ATRNL1: variants seen among roughly 807,000 people sequenced by gnomAD.
The protein encoded by ATRNL1 is attractin like 1.
In ATRNL1, 95 loss-of-function variants were observed where a neutral mutation model predicts 182.7. The observed-to-expected ratio is 0.52, with a 90% CI of 0.44 to 0.62. The LOEUF (loss-of-function observed/expected upper bound fraction) is 0.62, where lower values mean the gene tolerates loss of function less well. Ranked by LOEUF, ATRNL1 falls within the 20% of genes least tolerant of loss-of-function variation. ATRNL1 has a pLI of 0.00. For missense variants in ATRNL1, 1,471 were observed against 1,679.5 expected (o/e 0.88, Z 2.17); for synonymous variants, 576 against 568.3 (o/e 1.01, Z -0.19).
At chr10:115,293,864 A>G (rs1300379297) in intron 15 of ATRNL1, among the ~76,000 whole-genome samples, 3 of 152,082 alleles carry the variant, frequency 2.0e-5, no homozygotes, top group African/African-American at 7.2e-5. Flanking sequence ...ATCTGACTTT[A>G]TGCTTTTCTG....
At chr10:115,494,426 A>T (rs955158885) in intron 24 of ATRNL1, among the ~76,000 whole-genome samples, 4 of 152,044 alleles carry the variant, frequency 2.6e-5, no homozygotes, top group Non-Finnish European at 5.9e-5. Flanking sequence ...TCTCCAGGGG[A>T]ATGCTGCTAT....
intron 28 of ATRNL1, among the ~76,000 whole-genome samples, chr10:115,897,424 G>C (rs1952235656): frequency 6.6e-6 from 1 of 152,050 alleles, no homozygotes; most frequent in Non-Finnish European, 1.5e-5. Context: ...AGTATTCAAG[G>C]GTATTGATTT....
At chr10:115,130,078 T>G (rs1309545615) in intron 5 of ATRNL1, among the ~76,000 whole-genome samples, 1 of 152,172 alleles carries the variant, frequency 6.6e-6, no homozygotes, top group Non-Finnish European at 1.5e-5. Flanking sequence ...TTTATAAATA[T>G]CTATCATCAA....
At chr10:115,667,837 A>AT (rs1593037893) in intron 26 of ATRNL1, among the ~76,000 whole-genome samples, 1 of 151,504 alleles carries the variant, frequency 6.6e-6, no homozygotes, top group Admixed American at 6.6e-5. Flanking sequence ...TTTAATTACT[A>AT]TTTTTTTAGT....
chr10:115,417,494 C>A (rs147077036), intron 20 of ATRNL1, among the ~76,000 whole-genome samples: 2 of 152,194 alleles, frequency 1.3e-5, no homozygotes, highest in African/African-American at 4.8e-5. Flanking sequence ...CCAGCTCCCC[C>A]CACTGTAGTC....
At chr10:115,768,761 C>T (rs553115227) in intron 27 of ATRNL1, among the ~76,000 whole-genome samples, 126 of 151,856 alleles carry the variant, frequency 8.3e-4, no homozygotes, top group African/African-American at 2.9e-3. Flanking sequence ...TATAACTATC[C>T]CATTTAATTT....
rs1953934647 is a variant in ATRNL1 at position 115,948,966 on chromosome 10, A to G, written c.*4187A>G. 2 of 152,228 alleles carry G rather than the reference A, an allele frequency of 1.3e-5. No homozygotes were observed. Among genetic ancestry groups the G allele is most frequent in the Non-Finnish European group, 2.9e-5 (2 of 68,048 alleles). The allele number at this position is 152,228 out of a possible 1,614,324, so 9.4% of individuals were successfully genotyped here. On this transcript the variant is annotated 3_prime_UTR_variant, in exon 29 of 29. Transcript: ENST00000355044. ...GCTGTTAATCAGGACTTTATTAAATAAAAACATTGGCTCTTCCAACCCCCA... is the reference window on the plus strand; with the variant it reads ...GCTGTTAATCAGGACTTTATTAAATGAAAACATTGGCTCTTCCAACCCCCA...
chr10:115,179,604 T>C (rs1184920419), intron 8 of ATRNL1, among the ~76,000 whole-genome samples: 3 of 152,142 alleles, frequency 2.0e-5, no homozygotes, highest in African/African-American at 7.2e-5. Flanking sequence ...CTGGCTGATA[T>C]AGTAGCTACT....
At chr10:115,258,962 G>A (rs1432993781) in intron 10 of ATRNL1, among the ~76,000 whole-genome samples, 1 of 151,952 alleles carries the variant, frequency 6.6e-6, no homozygotes, top group Non-Finnish European at 1.5e-5. Context: ...AGAACAGCAA[G>A]TATTACTGCC....
At chr10:115,613,406 A>G (rs962091523) in intron 26 of ATRNL1, among the ~76,000 whole-genome samples, 1 of 152,068 alleles carries the variant, frequency 6.6e-6, no homozygotes, top group Non-Finnish European at 1.5e-5. Flanking sequence ...AATCTTGTTG[A>G]TGCTCTGTTA....
intron 24 of ATRNL1, among the ~76,000 whole-genome samples, chr10:115,513,881 G>A (rs1371430462): frequency 1.3e-5 from 2 of 151,860 alleles, no homozygotes; most frequent in Non-Finnish European, 2.9e-5. Flanking sequence ...TGAGCCTGTA[G>A]CCTCCAGCTG....
At chr10:115,231,937 T>C (rs1181407249) in intron 9 of ATRNL1, among the ~76,000 whole-genome samples, 1 of 152,084 alleles carries the variant, frequency 6.6e-6, no homozygotes, top group Non-Finnish European at 1.5e-5. Context: ...GTTAGGGAAG[T>C]GTAGTAGGAT....
At chr10:115,758,240 C>G (rs910200959) in intron 27 of ATRNL1, among the ~76,000 whole-genome samples, 2 of 151,920 alleles carry the variant, frequency 1.3e-5, no homozygotes, top group Non-Finnish European at 2.9e-5. Flanking sequence ...GGAGGAGAGG[C>G]CTTTTGGTTT....
At chr10:115,668,273 T>A (rs1313081844) in intron 26 of ATRNL1, among the ~76,000 whole-genome samples, 2 of 152,122 alleles carry the variant, frequency 1.3e-5, no homozygotes, top group Non-Finnish European at 2.9e-5. Flanking sequence ...TTTACCCCAG[T>A]GGGGTAACTT....
At chr10:115,195,222 C>G (rs113348780) in intron 8 of ATRNL1, among the ~76,000 whole-genome samples, 21 of 151,932 alleles carry the variant, frequency 1.4e-4, no homozygotes, top group African/African-American at 4.8e-4. Flanking sequence ...AGATGATTTC[C>G]TGTTGTTTGT....
chr10:115,129,176 A>G lies in ATRNL1; in HGVS notation c.621-151A>G, dbSNP rs1411707570. On this transcript the variant is annotated intron_variant, in intron 4 of 28. Transcript: ENST00000355044. ...AACAATTTCATAAGAGTAAGAGGGTACAGAGTAAAGAATTAAAACTACATT... is the reference window on the plus strand; with the variant it reads ...AACAATTTCATAAGAGTAAGAGGGTGCAGAGTAAAGAATTAAAACTACATT... The G allele has an allele frequency of 6.5e-6, 4 of 613,556 alleles. 1 individual carries two copies. Among genetic ancestry groups the G allele is most frequent in the Non-Finnish European group, 1.1e-5 (4 of 351,248 alleles). The allele number at this position is 613,556 out of a possible 1,614,324, so 38.0% of individuals were successfully genotyped here.
intron 26 of ATRNL1, among the ~76,000 whole-genome samples, chr10:115,643,363 A>G (rs1859389973): frequency 6.6e-6 from 1 of 152,184 alleles, no homozygotes; most frequent in African/African-American, 2.4e-5. Context: ...CGTAAAGCTG[A>G]AAATCATAAA....
At chr10:115,683,513 C>A (rs1946116393) in intron 26 of ATRNL1, among the ~76,000 whole-genome samples, 1 of 142,914 alleles carries the variant, frequency 7.0e-6, no homozygotes, top group African/African-American at 2.5e-5. Context: ...AGAAACCCTA[C>A]AAGCAAGGTA....
At chr10:115,096,881 T>A in intron 1 of ATRNL1, 1 of 976,750 alleles carries the variant, frequency 1.0e-6, no homozygotes, top group Middle Eastern at 4.8e-4. Flanking sequence ...AAAGCTAGAC[T>A]AAAGGACTTG....
Sources: allele counts gnomAD v4.1 joint callset (sites outside exome capture counted in the v4.1 genomes callset), GRCh38; gene constraint gnomAD v4.1.1; transcripts MANE v1.5; gene names NCBI Gene and HGNC (gene_info 2026-07-23, HGNC 2026-07-21).